The following PLOD1 variants were observed in gnomAD, a reference collection of about 807,000 sequenced individuals.
PLOD1 encodes procollagen-lysine,2-oxoglutarate 5-dioxygenase 1.
Under a neutral mutation model 94.7 loss-of-function variants are expected in PLOD1, and 70 were observed. The ratio of observed to expected loss-of-function variants is 0.74; its 90% CI spans 0.61 to 0.90. The LOEUF (loss-of-function observed/expected upper bound fraction) is 0.90. PLOD1 is among the 40% of genes least tolerant of loss of function. PLOD1 has a pLI of 0.00. For synonymous variants in PLOD1, 417 were observed against 400.2 expected (o/e 1.04, Z -0.50); for missense variants, 905 against 972.7 (o/e 0.93, Z 0.93).
At chr1:11,938,625 C>T (rs535378067) in intron 1 of PLOD1, among the ~76,000 whole-genome samples, 19 of 152,212 alleles carry the variant, frequency 1.2e-4, no homozygotes, top group African/African-American at 4.6e-4. Flanking sequence ...CTTCCCTTTC[C>T]CTGGCAGATG....
intron 10 of PLOD1, 66 bp downstream of exon 10, chr1:11,960,833 A>G: frequency 6.2e-7 from 1 of 1,603,444 alleles, no homozygotes; most frequent in Admixed American, 1.7e-5. Context: ...TGTGGTAAGG[A>G]GCAGCAGGCT....
At chr1:11,969,105 C>G (rs998274942) in intron 16 of PLOD1, among the ~76,000 whole-genome samples, 1 of 149,714 alleles carries the variant, frequency 6.7e-6, no homozygotes, top group African/African-American at 2.5e-5. Context: ...TCACTGCAAC[C>G]TCCGCCTGAG....
Position 11,934,872 on chromosome 1 carries a change from C to G in PLOD1, c.76+17C>G, listed in dbSNP as rs113691754. 1.3e-6 allele frequency: 2 copies of G among 1,533,446 alleles called. No homozygotes were observed. The highest frequency in any genetic ancestry group is 1.4e-5 in the African/African-American group (1 of 72,258). The allele number at this position is 1,533,446 out of a possible 1,614,324, so 95.0% of individuals were successfully genotyped here. A position where few individuals can be genotyped will look rare whatever the true frequency, so the allele number is the denominator to read the frequency against. The stretch of plus-strand genomic sequence containing the variant: ...AGCCGGAGGGTGAGGGAGCGAAGGC[C>G]GGGGGCGGGAGCGCGGATCCGGGCG... On this transcript the variant is annotated intron_variant, in intron 1 of 18. Transcript: ENST00000196061.
At chr1:11,956,375 C>G (rs1203355775) in intron 6 of PLOD1, among the ~76,000 whole-genome samples, 2 of 152,134 alleles carry the variant, frequency 1.3e-5, no homozygotes, top group Non-Finnish European at 2.9e-5. Flanking sequence ...TAGAATGAGA[C>G]TCCATTTCTA....
chr1:11,954,610 G>T, intron 5 of PLOD1: 1 of 766,186 alleles, frequency 1.3e-6, no homozygotes, highest in Admixed American at 1.7e-5. Flanking sequence ...TTCCAGTTCA[G>T]AGTCCCTGGT....
At chr1:11,964,571 A>G (rs1262886724) in intron 12 of PLOD1, 73 bp from the exon 13 acceptor site, 1 of 1,416,008 alleles carries the variant, frequency 7.1e-7, no homozygotes, top group African/African-American at 1.6e-5. Context: ...ACTCCCCACC[A>G]CCACCCTGTG....
intron 1 of PLOD1, among the ~76,000 whole-genome samples, chr1:11,945,700 T>A (rs1203922418): frequency 1.3e-5 from 2 of 151,970 alleles, no homozygotes; most frequent in Non-Finnish European, 2.9e-5. Context: ...TACCTCTTTA[T>A]TTTTATTTAT....
At chr1:11,948,737 A>G (rs1645675469) in intron 2 of PLOD1, among the ~76,000 whole-genome samples, 1 of 151,972 alleles carries the variant, frequency 6.6e-6, no homozygotes, top group South Asian at 2.1e-4. Flanking sequence ...CTCAAAAAAA[A>G]AAAAGAAAAT....
chr1:11,969,250 A>G (rs1246704810), intron 16 of PLOD1, among the ~76,000 whole-genome samples: 1 of 151,950 alleles, frequency 6.6e-6, no homozygotes, highest in Non-Finnish European at 1.5e-5. Context: ...TGGCCTCCCA[A>G]AGTGCTGGGA....
intron 12 of PLOD1, 27 bp downstream of exon 12, chr1:11,964,327 T>TTTGACCGGGGGGGGGGGGGGGGGGG: frequency 1.8e-6 from 1 of 546,366 alleles, no homozygotes; most frequent in Non-Finnish European, 3.2e-6. Flanking sequence ...TGGGGGTGGG[T>TTTGACCGGGGGGGGGGGGGGGGGGG]GGGGGACACC....
chr1:11,944,742 T>G (rs1645638678), intron 1 of PLOD1: 24 of 1,096,960 alleles, frequency 2.2e-5, no homozygotes, highest in Non-Finnish European at 2.8e-5. Flanking sequence ...TCCCTGCCAA[T>G]CCCTGCTGGG....
Position 11,960,651 on chromosome 1 carries a change from GCAC to G in PLOD1, c.985_987del (p.His329del). On this transcript the variant is annotated inframe_deletion, in exon 10 of 19. Transcript: ENST00000196061. ...TTCCCCATCCCCAACCCCAGGAGCA[GCAC>G]CACAAGGCTCAGGTGGAAGAGTTCC... 1 of 1,603,536 alleles carries G rather than the reference GCAC, an allele frequency of 6.2e-7. No homozygotes were observed. Among genetic ancestry groups the G allele is most frequent in the Non-Finnish European group, 8.5e-7 (1 of 1,173,526 alleles).
intron 14 of PLOD1, among the ~76,000 whole-genome samples, chr1:11,965,843 C>T (rs1171000234): frequency 6.6e-6 from 1 of 152,192 alleles, no homozygotes; most frequent in Non-Finnish European, 1.5e-5. Flanking sequence ...GATCTGCCAT[C>T]ATCTGGGACT....
At chr1:11,947,252 AAAACAAAC>A (rs59526848) in intron 1 of PLOD1, among the ~76,000 whole-genome samples, 2 of 150,418 alleles carry the variant, frequency 1.3e-5, no homozygotes, top group Admixed American at 6.6e-5. Flanking sequence ...AAAAAAAACA[AAAACAAAC>A]AAACAAACAA....
chr1:11,973,479 A>T (rs919269640), intron 18 of PLOD1, among the ~76,000 whole-genome samples: 3 of 152,072 alleles, frequency 2.0e-5, no homozygotes, highest in Admixed American at 1.3e-4. Flanking sequence ...CAGCCTGGGC[A>T]ACAGAGCGAG....
At chr1:11,948,726 T>C (rs894826735) in intron 2 of PLOD1, among the ~76,000 whole-genome samples, 2 of 138,286 alleles carry the variant, frequency 1.4e-5, no homozygotes, top group African/African-American at 6.2e-5. Context: ...TGAAACTCTG[T>C]CTCAAAAAAA....
chr1:11,938,153 A>C (rs973537373), intron 1 of PLOD1, among the ~76,000 whole-genome samples: 1 of 119,446 alleles, frequency 8.4e-6, no homozygotes, highest in Admixed American at 7.7e-5. Flanking sequence ...GGGTTTTGCA[A>C]TGTTAGCCAG....
rs1557501636 is a variant in PLOD1, at chr1:11,972,740, C to A, written c.1903-132C>A. 2.2e-6 allele frequency: 2 copies of A among 916,896 alleles called. No homozygotes were observed. The highest frequency in any genetic ancestry group is 1.3e-5 in the South Asian group (1 of 75,538). 56.8% of individuals were successfully genotyped at this position (916,896 alleles called of 1,614,324 possible). ...AGTTGCAGGCACTCGAGCATAGAGCCCCATGTAGACCTGGCCCCTGTAAGC... is the reference window on the plus strand; with the variant it reads ...AGTTGCAGGCACTCGAGCATAGAGCACCATGTAGACCTGGCCCCTGTAAGC... On this transcript the variant is annotated intron_variant, in intron 17 of 18. Coordinates refer to ENST00000196061, the MANE Select transcript of PLOD1 (RefSeq NM_000302.4). This position sits in a 1 kb window ranked among gnomAD's most constrained non-coding sequence, Gnocchi z 4.6.
rs767051420 is a variant in PLOD1 at position 11,960,663 on chromosome 1, T to C, written c.993T>C (p.Ala331=). Residue 331 remains alanine, a synonymous_variant, in exon 10 of 19, where the codon GCT becomes GCC. Coordinates refer to ENST00000196061, the MANE Select transcript of PLOD1 (RefSeq NM_000302.4). The part of the protein sequence containing the change: ...FIHNHEQHHK[A]QVEEFLAQHG... The stretch of plus-strand genomic sequence containing the variant: ...AACCCCAGGAGCAGCACCACAAGGC[T>C]CAGGTGGAAGAGTTCCTGGCACAGC... 5 of 1,610,036 alleles carry C rather than the reference T, an allele frequency of 3.1e-6. No individual in the cohort carries two copies. The highest frequency in any genetic ancestry group is 4.2e-6 in the Non-Finnish European group (5 of 1,178,314).
Sources: allele counts gnomAD v4.1 joint callset (sites outside exome capture counted in the v4.1 genomes callset), GRCh38; gene constraint gnomAD v4.1.1; non-coding constraint Gnocchi (gnomAD v3.1); transcripts MANE v1.5; gene names NCBI Gene and HGNC (gene_info 2026-07-23, HGNC 2026-07-21).